The following MAP3K5 variants were observed in gnomAD, a reference collection of about 807,000 sequenced individuals.
MAP3K5 encodes the protein mitogen-activated protein kinase kinase kinase 5, also known as ASK-1.
In MAP3K5, 56 loss-of-function variants were observed where a neutral mutation model predicts 158.7. That is an observed-to-expected ratio of 0.35 (90% CI 0.28 to 0.44). MAP3K5 has a LOEUF of 0.44. MAP3K5 is among the 20% of genes least tolerant of loss of function. MAP3K5 has a pLI of 1.00. For synonymous variants in MAP3K5, 579 were observed against 601.7 expected (o/e 0.96, Z 0.55); for missense variants, 1,294 against 1,674.8 (o/e 0.77, Z 3.97).
At chr6:136,666,469 G>C (rs983579798) in intron 8 of MAP3K5, among the ~76,000 whole-genome samples, 1 of 152,168 alleles carries the variant, frequency 6.6e-6, no homozygotes, top group Non-Finnish European at 1.5e-5. Flanking sequence ...TTGTATGTTT[G>C]CAGAGGCCAA....
intron 14 of MAP3K5, among the ~76,000 whole-genome samples, chr6:136,628,496 C>A (rs9494544): frequency 0.055 from 8,288 of 152,010 alleles, 751 homozygotes; most frequent in African/African-American, 0.19. Context: ...TCCCAAATAG[C>A]TGGGACTCAG....
chr6:136,673,438 G>A (rs1467220657), intron 7 of MAP3K5, among the ~76,000 whole-genome samples: 1 of 152,006 alleles, frequency 6.6e-6, no homozygotes, highest in Non-Finnish European at 1.5e-5. Context: ...CAGATAATTC[G>A]GATGCTGGAG....
At chr6:136,673,681 G>A (rs1476274960) in intron 7 of MAP3K5, among the ~76,000 whole-genome samples, 2 of 143,716 alleles carry the variant, frequency 1.4e-5, no homozygotes, top group Non-Finnish European at 1.5e-5. Context: ...CATGTCAATA[G>A]AAGGTATCTA....
intron 4 of MAP3K5, 66 bp downstream of exon 4, chr6:136,698,423 C>A: frequency 7.2e-7 from 1 of 1,381,282 alleles, no homozygotes; most frequent in Non-Finnish European, 1.0e-6. Context: ...TGATATCATG[C>A]ACAAATAAAG....
chr6:136,605,099 TTG>T, intron 19 of MAP3K5, 108 bp downstream of exon 19: 1 of 1,070,786 alleles, frequency 9.3e-7, no homozygotes, highest in South Asian at 1.6e-5. Flanking sequence ...GTGTTCTAAG[TTG>T]TGTTTACTTA....
At chr6:136,745,260 C>G (rs1782888515) in intron 1 of MAP3K5, among the ~76,000 whole-genome samples, 1 of 150,580 alleles carries the variant, frequency 6.6e-6, no homozygotes, top group African/African-American at 2.5e-5. Flanking sequence ...TTTCCCTTTC[C>G]TATATCAGAG....
At chr6:136,709,917 A>ACTT (rs1375242087) in intron 2 of MAP3K5, among the ~76,000 whole-genome samples, 7 of 152,162 alleles carry the variant, frequency 4.6e-5, no homozygotes, top group African/African-American at 1.7e-4. Context: ...GGGTGACAAG[A>ACTT]GAGTCCCATC....
At chr6:136,698,267 G>C (rs970838645) in intron 4 of MAP3K5, among the ~76,000 whole-genome samples, 1 of 152,084 alleles carries the variant, frequency 6.6e-6, no homozygotes, top group Non-Finnish European at 1.5e-5. Context: ...ACTATAAAGC[G>C]GTTAGTAGAC....
rs546078187 is a variant in MAP3K5 at position 136,740,876 on chromosome 6, T to C, written c.449-20287A>G. ...AAAGGGGCAATTTTCTACCATTTAA[T>C]TGGATCCTACTGCTCTGTACGAGAG... On this transcript the variant is annotated intron_variant, in intron 1 of 29. Transcript: ENST00000359015. 2.1e-4 allele frequency among the ~76,000 whole-genome samples: 32 copies of C among 152,326 alleles called. 1 individual carries two copies. In the South Asian group the frequency reaches 5.4e-3, roughly 26 times the overall value.
intron 25 of MAP3K5, among the ~76,000 whole-genome samples, chr6:136,576,713 G>A (rs573913381): frequency 2.0e-5 from 3 of 152,250 alleles, no homozygotes; most frequent in Admixed American, 2.0e-4. Flanking sequence ...CAAGATTTGG[G>A]TCTTCTCAGT....
chr6:136,600,760 C>G (rs1775839010), intron 21 of MAP3K5, among the ~76,000 whole-genome samples: 1 of 152,106 alleles, frequency 6.6e-6, no homozygotes, highest in South Asian at 2.1e-4. Flanking sequence ...TTGAAGCTGT[C>G]AAAAACACAG....
intron 1 of MAP3K5, among the ~76,000 whole-genome samples, chr6:136,785,164 T>C (rs964816646): frequency 1.3e-5 from 2 of 152,122 alleles, no homozygotes; most frequent in Non-Finnish European, 2.9e-5. Flanking sequence ...GGATACAAGG[T>C]TATGTTCTGT....
intron 15 of MAP3K5, among the ~76,000 whole-genome samples, chr6:136,616,948 G>A (rs1583279647): frequency 6.6e-6 from 1 of 151,670 alleles, no homozygotes; most frequent in Admixed American, 6.6e-5. Context: ...AAACTCCTGA[G>A]CTCAAGTGAT....
chr6:136,791,328 G>C (rs1432019426), intron 1 of MAP3K5, among the ~76,000 whole-genome samples: 1 of 152,104 alleles, frequency 6.6e-6, no homozygotes, highest in Non-Finnish European at 1.5e-5. Context: ...ATCTAAAACG[G>C]TCACAGGTAT....
chr6:136,668,798 C>G (rs945439472), intron 8 of MAP3K5, among the ~76,000 whole-genome samples: 4 of 152,130 alleles, frequency 2.6e-5, no homozygotes, highest in African/African-American at 9.7e-5. Flanking sequence ...CCAAGACCAC[C>G]ATTTGCTTAA....
chr6:136,709,618 C>G (rs1451828753), intron 2 of MAP3K5, among the ~76,000 whole-genome samples: 2 of 152,208 alleles, frequency 1.3e-5, no homozygotes, highest in African/African-American at 4.8e-5. Flanking sequence ...CAAATGGCCA[C>G]TACTGGCTTA....
intron 17 of MAP3K5, 78 bp from the exon 18 acceptor site, chr6:136,611,465 T>TAAAA (rs892391153): frequency 2.0e-6 from 1 of 500,194 alleles, no homozygotes; most frequent in African/African-American, 2.1e-5. Context: ...AAGTCCAATT[T>TAAAA]AAAAAAAAAA....
At chr6:136,765,812 G>A (rs564801073) in intron 1 of MAP3K5, among the ~76,000 whole-genome samples, 1 of 151,654 alleles carries the variant, frequency 6.6e-6, no homozygotes, top group Admixed American at 6.6e-5. Context: ...TTACAGGTGT[G>A]AGCCACTTTG....
chr6:136,720,610 C>A, intron 1 of MAP3K5, 21 bp from the exon 2 acceptor site: 1 of 1,594,790 alleles, frequency 6.3e-7, no homozygotes, highest in African/African-American at 1.3e-5. Context: ...AAAACAAAGT[C>A]CCCCAAAGAA....
Sources: allele counts gnomAD v4.1 joint callset (sites outside exome capture counted in the v4.1 genomes callset), GRCh38; gene constraint gnomAD v4.1.1; transcripts MANE v1.5; gene names NCBI Gene and HGNC (gene_info 2026-07-23, HGNC 2026-07-21).